PRKD1: variants seen among roughly 807,000 people sequenced by gnomAD.
PRKD1 encodes protein kinase D1.
PRKD1 carries 63 observed loss-of-function variants against 95.9 expected under a neutral mutation model. The ratio of observed to expected loss-of-function variants is 0.66; its 90% CI spans 0.54 to 0.81. PRKD1 has a LOEUF of 0.81. PRKD1 is among the 30% of genes least tolerant of loss of function. The pLI, the probability that PRKD1 is intolerant of heterozygous loss-of-function variation, is 0.00. For missense variants in PRKD1, 1,048 were observed against 1,165.3 expected (o/e 0.90, Z 1.47); for synonymous variants, 425 against 423.1 (o/e 1.00, Z -0.05).
At chr14:29,791,298 C>T (rs1889534659) in intron 1 of PRKD1, among the ~76,000 whole-genome samples, 2 of 152,070 alleles carry the variant, frequency 1.3e-5, no homozygotes, top group Non-Finnish European at 2.9e-5. Flanking sequence ...ATATGTGTTA[C>T]CTTAATTATT....
chr14:29,909,868 T>A (rs1016306575), intron 1 of PRKD1, among the ~76,000 whole-genome samples: 36 of 152,154 alleles, frequency 2.4e-4, no homozygotes, highest in African/African-American at 8.7e-4. Flanking sequence ...GTGCTCTGTG[T>A]CTAGCTAATC....
rs1043502319 is a variant in PRKD1 at position 29,643,040 on chromosome 14, T to C, written c.697-4136A>G. Among the ~76,000 whole-genome samples, 3 of 151,978 alleles carry C rather than the reference T, an allele frequency of 2.0e-5. No homozygotes were observed. In the South Asian group the frequency reaches 6.4e-4, roughly 32 times the overall value. On this transcript the variant is annotated intron_variant, in intron 4 of 17. Transcript: ENST00000331968. ...CTTAAAGAGCACATTTAAAATTTCG[T>C]TTTTTATAACTATGGGCAACACATA...
In PRKD1 at chr14:29,577,111, G is replaced by A; in HGVS notation, c.*127C>T. On this transcript the variant is annotated 3_prime_UTR_variant, in exon 18 of 18. Transcript: ENST00000331968. ...TTGGCAACTCAGATACATCAACAGT[G>A]CTAACAGTTTAACAGCTTTGTTCTC... is the stretch of plus-strand genomic sequence containing the variant. 1 of 972,130 alleles carries A rather than the reference G, an allele frequency of 1.0e-6. No homozygotes were observed. Among genetic ancestry groups the A allele is most frequent in the Non-Finnish European group, 1.5e-6 (1 of 647,480 alleles). 60.2% of individuals were successfully genotyped at this position (972,130 alleles called of 1,614,324 possible). A position where few individuals can be genotyped will look rare whatever the true frequency, so the allele number is the denominator to read the frequency against.
chr14:29,893,524 A>C lies in PRKD1; in HGVS notation c.264+33725T>G, dbSNP rs182402145. Among the ~76,000 whole-genome samples the C allele has an allele frequency of 1.2e-4, 18 of 152,222 alleles. No individual in the cohort carries two copies. In the East Asian group the frequency reaches 3.5e-3, roughly 29 times the overall value. Reference sequence around the variant, plus strand: ...GTTAAACGTATGGAATCTTGCTCTTAATTAAAGTCAGAAAAAATAAGTAAA... The same window carrying C: ...GTTAAACGTATGGAATCTTGCTCTTCATTAAAGTCAGAAAAAATAAGTAAA... On this transcript the variant is annotated intron_variant, in intron 1 of 17. Transcript: ENST00000331968.
chr14:29,734,060 TG>T (rs1886596096), intron 1 of PRKD1, among the ~76,000 whole-genome samples: 1 of 102,690 alleles, frequency 9.7e-6, no homozygotes, highest in Non-Finnish European at 1.9e-5. Flanking sequence ...TTTTTTTTTT[TG>T]AGTCGGAGTC....
In PRKD1 at chr14:29,927,556, G is replaced by A; in HGVS notation, c.-44C>T. ...GCCGGGCAGCGGAGGGCGGGGGCTGGCGGCGCGGCAGCAGGAAAGTTTTGC... is the reference window on the plus strand; with the variant it reads ...GCCGGGCAGCGGAGGGCGGGGGCTGACGGCGCGGCAGCAGGAAAGTTTTGC... On this transcript the variant is annotated 5_prime_UTR_variant, in exon 1 of 18. Coordinates refer to ENST00000331968, the MANE Select transcript of PRKD1 (RefSeq NM_002742.3). 8.9e-7 allele frequency: 1 copy of A among 1,128,062 alleles called. No individual in the cohort carries two copies. The allele number at this position is 1,128,062 out of a possible 1,614,324, so 69.9% of individuals were successfully genotyped here.
chr14:29,617,862 T>C (rs1878971679), intron 13 of PRKD1, among the ~76,000 whole-genome samples: 1 of 151,578 alleles, frequency 6.6e-6, no homozygotes, highest in Non-Finnish European at 1.5e-5. Context: ...AGTTCAGAAG[T>C]TCAAGGCCAG....
intron 1 of PRKD1, among the ~76,000 whole-genome samples, chr14:29,837,773 TA>T (rs1330941353): frequency 2.0e-5 from 3 of 152,194 alleles, no homozygotes; most frequent in African/African-American, 7.2e-5. Flanking sequence ...TAAGAGTCAT[TA>T]AGGTTTGCTA....
chr14:29,647,565 G>T lies in PRKD1; in HGVS notation c.697-8661C>A, dbSNP rs147534641. On this transcript the variant is annotated intron_variant, in intron 4 of 17. Coordinates refer to ENST00000331968, the MANE Select transcript of PRKD1 (RefSeq NM_002742.3). ...ATTTGACCTTGCCTGAATAGACTAGGACCTGGCCTGGGTTTATGGTCTCAC... is the reference window on the plus strand; with the variant it reads ...ATTTGACCTTGCCTGAATAGACTAGTACCTGGCCTGGGTTTATGGTCTCAC... Among the ~76,000 whole-genome samples, 146 of 152,278 alleles carry T rather than the reference G, an allele frequency of 9.6e-4. 1 individual carries two copies. The highest frequency in any genetic ancestry group is 3.3e-3 in the African/African-American group (139 of 41,552).
intron 1 of PRKD1, among the ~76,000 whole-genome samples, chr14:29,773,298 A>G (rs1176123202): frequency 6.6e-6 from 1 of 152,034 alleles, no homozygotes; most frequent in Non-Finnish European, 1.5e-5. Context: ...CCACTCTACT[A>G]AAAATACAAA....
intron 2 of PRKD1, among the ~76,000 whole-genome samples, chr14:29,683,188 G>T (rs1015128037): frequency 1.3e-5 from 2 of 152,084 alleles, no homozygotes; most frequent in Non-Finnish European, 2.9e-5. Flanking sequence ...GAGTTATAGG[G>T]TTACCATATG....
At chr14:29,692,605 T>A (rs1319830582) in intron 2 of PRKD1, among the ~76,000 whole-genome samples, 1 of 152,124 alleles carries the variant, frequency 6.6e-6, no homozygotes, top group South Asian at 2.1e-4. Flanking sequence ...GATATTTTCC[T>A]TTTGTAATTA....
chr14:29,861,252 T>A (rs1892699681), intron 1 of PRKD1, among the ~76,000 whole-genome samples: 1 of 152,168 alleles, frequency 6.6e-6, no homozygotes, highest in Non-Finnish European at 1.5e-5. Context: ...TTGGTGCCAC[T>A]TCTCACAAAC....
rs1256585754 is a variant in PRKD1, at chr14:29,577,274, T to A, written c.2703A>T (p.Glu901Asp). 6 of 1,613,730 alleles carry A rather than the reference T, an allele frequency of 3.7e-6. No individual in the cohort carries two copies. The South Asian group carries it at 6.6e-5, about 18-fold the overall frequency. Residue 901 changes from glutamate to aspartate, a missense_variant, in exon 18 of 18, where the codon GAA (glutamate) becomes GAT (aspartate). This residue lies in a region of PRKD1 where 739 missense variants were observed against 861.9 expected (regional missense o/e 0.86). Coordinates refer to ENST00000331968, the MANE Select transcript of PRKD1 (RefSeq NM_002742.3). ...TGACACGCTCACCGAGGGCTTTCAT[T>A]TCTGTTTCTTCAGTCTCAGGAGTGT... is the stretch of plus-strand genomic sequence containing the variant. ...HSDTPETEETEMKALGERVSI... is the reference protein window; with the variant it reads ...HSDTPETEETDMKALGERVSI...
intron 4 of PRKD1, among the ~76,000 whole-genome samples, chr14:29,656,888 T>C (rs1027045414): frequency 4.6e-5 from 7 of 152,186 alleles, no homozygotes; most frequent in Non-Finnish European, 7.3e-5. Context: ...TAGATTTTCT[T>C]CACAATAATT....
chr14:29,618,357 G>A (rs1009802003), intron 13 of PRKD1, among the ~76,000 whole-genome samples: 1 of 151,506 alleles, frequency 6.6e-6, no homozygotes, highest in African/African-American at 2.4e-5. Context: ...GAGGGTTCAA[G>A]TGACTCTCCT....
At chr14:29,789,427 G>T (rs1889433749) in intron 1 of PRKD1, among the ~76,000 whole-genome samples, 1 of 152,146 alleles carries the variant, frequency 6.6e-6, no homozygotes, top group Non-Finnish European at 1.5e-5. Context: ...TAGCTATAGT[G>T]CTGGTTGGGT....
intron 1 of PRKD1, among the ~76,000 whole-genome samples, chr14:29,797,536 C>T (rs1889868587): frequency 6.6e-6 from 1 of 152,180 alleles, no homozygotes; most frequent in South Asian, 2.1e-4. Context: ...CAAACCATCA[C>T]CGAGTGACAA....
At position 29,799,965 on chromosome 14, in the gene PRKD1, C is replaced by G. The variant is rs577462258; in HGVS notation, c.265-74291G>C. ...TGATCGTGCTGCTCAAAAGGAGCCC[C>G]AAGCATAGTGCTGAAGTGCCGTCTA... On this transcript the variant is annotated intron_variant, in intron 1 of 17. Transcript: ENST00000331968. Among the ~76,000 whole-genome samples the G allele has an allele frequency of 2.6e-5, 4 of 152,120 alleles. No homozygotes were observed. The South Asian group carries it at 8.3e-4, about 32-fold the overall frequency.
Sources: gnomAD v4.1 joint callset for allele counts (sites outside exome capture counted in the v4.1 genomes callset) on GRCh38, gnomAD v4.1.1 for gene constraint, gnomAD v4.1.1 regional missense constraint, MANE v1.5 for transcripts, NCBI Gene and HGNC (gene_info 2026-07-23, HGNC 2026-07-21) for gene names.